SLC17A4: variants seen among roughly 807,000 people sequenced by gnomAD.
SLC17A4 encodes the protein probable small intestine urate exporter.
Under a neutral mutation model 52.5 loss-of-function variants are expected in SLC17A4, and 33 were observed. The ratio of observed to expected loss-of-function variants is 0.63; its 90% CI spans 0.48 to 0.84. The LOEUF is 0.84. Among genes scored for constraint, SLC17A4 ranks in the 40% least tolerant of loss-of-function variants. The probability of loss-of-function intolerance (pLI) is 0.00; values close to 1 mark genes in which losing one functional copy is unlikely to be tolerated. For missense variants in SLC17A4, 585 were observed against 597.1 expected, an observed-to-expected ratio of 0.98 and a Z score of 0.21; for synonymous variants, 225 against 216.2, an observed-to-expected ratio of 1.04 and a Z score of -0.36.
intron 1 of SLC17A4, among the ~76,000 whole-genome samples, chr6:25,757,132 T>C (rs1761088359): frequency 6.6e-6 from 1 of 152,190 alleles, no homozygotes; most frequent in Admixed American, 6.5e-5. Context: ...GGTTCCATGG[T>C]CTAACATCTG....
At chr6:25,773,189 C>T in intron 6 of SLC17A4, 86 bp from the exon 7 acceptor site, 2 of 1,044,876 alleles carry the variant, frequency 1.9e-6, no homozygotes, top group Admixed American at 1.7e-5. Context: ...AGGCCAGTCA[C>T]TCTGTCAACC....
At chr6:25,758,638 C>G (rs551337096) in intron 1 of SLC17A4, among the ~76,000 whole-genome samples, 1 of 152,272 alleles carries the variant, frequency 6.6e-6, no homozygotes. Context: ...ATTTTAATAT[C>G]TCCCGTTTTG....
intron 11 of SLC17A4, among the ~76,000 whole-genome samples, 157 bp downstream of exon 11, chr6:25,778,173 C>G (rs1763093472): frequency 6.6e-6 from 1 of 151,928 alleles, no homozygotes; most frequent in Non-Finnish European, 1.5e-5. Context: ...ACTTAAGATT[C>G]TTAAGTTTCC....
chr6:25,763,927 G>T (rs544016333), intron 2 of SLC17A4, among the ~76,000 whole-genome samples: 1 of 152,300 alleles, frequency 6.6e-6, no homozygotes, highest in Non-Finnish European at 1.5e-5. Flanking sequence ...TTTCTGAGAA[G>T]AAAGAAGATT....
rs755050187 is a variant in SLC17A4 at position 25,773,439 on chromosome 6, G to A, written c.825+46G>A. The A allele has an allele frequency of 9.3e-6, 15 of 1,612,080 alleles. No individual in the cohort carries two copies. The African/African-American group carries it at 1.5e-4, about 16-fold the overall frequency. ...GACATTTCTCTATGTCCCTCTAGAC[G>A]TCTGAGAGATGAAGAATGTGATAGA... On this transcript the variant is annotated intron_variant, in intron 7 of 11. Coordinates refer to ENST00000377905, the MANE Select transcript of SLC17A4 (RefSeq NM_005495.3).
chr6:25,762,146 CT>C, intron 2 of SLC17A4, 93 bp downstream of exon 2: 2 of 1,084,630 alleles, frequency 1.8e-6, no homozygotes, highest in South Asian at 3.1e-5. Flanking sequence ...TCTGTGGCAT[CT>C]TTTGTTGATA....
intron 3 of SLC17A4, 81 bp downstream of exon 3, chr6:25,769,271 A>C: frequency 7.8e-7 from 1 of 1,289,012 alleles, no homozygotes; most frequent in African/African-American, 1.5e-5. Context: ...AGATTCATTT[A>C]ACCACTAAGT....
intron 1 of SLC17A4, among the ~76,000 whole-genome samples, chr6:25,759,215 A>G (rs1294343158): frequency 4.1e-5 from 6 of 147,446 alleles, no homozygotes; most frequent in Non-Finnish European, 7.6e-5. Flanking sequence ...TTTGTGGCCT[A>G]TCATATGGTC....
Position 25,770,937 on chromosome 6 carries a change from G to C in SLC17A4, c.631G>C (p.Gly211Arg). 1.2e-6 allele frequency: 2 copies of C among 1,613,774 alleles called. No homozygotes were observed. The highest frequency in any genetic ancestry group is 1.7e-6 in the Non-Finnish European group (2 of 1,179,764). ...TTIAGSGSMLGSFIVLLAGGL... is the reference protein window; with the variant it reads ...TTIAGSGSMLRSFIVLLAGGL... ...CCTCTTCTGTTCAGGGTCAATGCTG[G>C]GGTCCTTCATTGTTCTACTTGCTGG... Residue 211 changes from glycine to arginine, a missense_variant, in exon 6 of 12, where the codon GGG becomes CGG. By Grantham distance (125) the Gly-to-Arg change is moderately radical. Coordinates refer to ENST00000377905, the MANE Select transcript of SLC17A4 (RefSeq NM_005495.3).
Position 25,770,997 on chromosome 6 carries a change from G to A in SLC17A4, c.691G>A (p.Val231Ile), listed in dbSNP as rs377514715. The change falls in exon 6 of 12, where the codon GTC becomes ATC. Residue 231 changes from valine (V) to isoleucine (I), a missense_variant. Transcript: ENST00000377905. ...LLCQTIGWPY[V>I]FYIFGGIGCA... ...CTGCCAGACCATAGGATGGCCTTACGTCTTCTATATCTTTGGTGAGTGTGC... is the reference window on the plus strand; with the variant it reads ...CTGCCAGACCATAGGATGGCCTTACATCTTCTATATCTTTGGTGAGTGTGC... The A allele has an allele frequency of 5.2e-5, 84 of 1,613,570 alleles. No individual in the cohort carries two copies. The African/African-American group carries it at 5.5e-4, about 11-fold the overall frequency.
intron 6 of SLC17A4, among the ~76,000 whole-genome samples, chr6:25,771,379 G>A (rs1762466792): frequency 6.6e-6 from 1 of 152,034 alleles, no homozygotes; most frequent in African/African-American, 2.4e-5. Flanking sequence ...TTTGAAACCA[G>A]CCTGGCCAAC....
chr6:25,774,191 A>G (rs1762713356), intron 8 of SLC17A4, among the ~76,000 whole-genome samples: 1 of 152,222 alleles, frequency 6.6e-6, no homozygotes, highest in Non-Finnish European at 1.5e-5. Flanking sequence ...AATCATTTTT[A>G]TTCAAGTATA....
intron 2 of SLC17A4, among the ~76,000 whole-genome samples, chr6:25,768,035 T>C (rs958613414): frequency 6.6e-6 from 1 of 152,186 alleles, no homozygotes; most frequent in Non-Finnish European, 1.5e-5. Context: ...AGGTATCTCT[T>C]CTTGACTAGA....
chr6:25,779,012 G>A (rs1561816634), intron 11 of SLC17A4, 42 bp from the exon 12 acceptor site: 1 of 1,609,112 alleles, frequency 6.2e-7, no homozygotes, highest in Non-Finnish European at 8.5e-7. Context: ...AGAGGGACAG[G>A]AATTGGGTGA....
In SLC17A4 at chr6:25,779,209, G is replaced by C. The variant is rs1379250081; in HGVS notation, c.*21G>C. 4 of 1,612,394 alleles carry C rather than the reference G, an allele frequency of 2.5e-6. No homozygotes were observed. The highest frequency in any genetic ancestry group is 2.2e-5 in the South Asian group (2 of 90,794). On this transcript the variant is annotated 3_prime_UTR_variant, in exon 12 of 12. Coordinates refer to ENST00000377905, the MANE Select transcript of SLC17A4 (RefSeq NM_005495.3). ...TCTGAGCAAACCGAGAGATGTGCTA[G>C]ATCCTGGTGCTTAGTTCATCATTGT...
chr6:25,776,443 G>C, intron 8 of SLC17A4, 152 bp from the exon 9 acceptor site: 1 of 853,296 alleles, frequency 1.2e-6, no homozygotes, highest in Non-Finnish European at 1.8e-6. Context: ...CATACTAAAA[G>C]TATATTGGCT....
At chr6:25,764,235 A>G (rs1360232140) in intron 2 of SLC17A4, among the ~76,000 whole-genome samples, 1 of 152,156 alleles carries the variant, frequency 6.6e-6, no homozygotes, top group Non-Finnish European at 1.5e-5. Flanking sequence ...TGGAATCCTG[A>G]GGATTGTAGC....
intron 10 of SLC17A4, chr6:25,777,658 C>T: frequency 3.0e-6 from 1 of 330,062 alleles, no homozygotes; most frequent in Non-Finnish European, 5.5e-6. Context: ...CTTGCATAAA[C>T]AATGTTGACA....
intron 6 of SLC17A4, among the ~76,000 whole-genome samples, chr6:25,772,064 C>CCT (rs1386799956): frequency 6.6e-6 from 1 of 152,092 alleles, no homozygotes; most frequent in East Asian, 1.9e-4. Flanking sequence ...CCTGTTAGAT[C>CCT]AAGGGTTTCT....
Sources: gnomAD v4.1 joint callset for allele counts (sites outside exome capture counted in the v4.1 genomes callset) on GRCh38, gnomAD v4.1.1 for gene constraint, MANE v1.5 for transcripts, NCBI Gene and HGNC (gene_info 2026-07-23, HGNC 2026-07-21) for gene names.